SGK3: variants seen among roughly 807,000 people sequenced by gnomAD.
SGK3 encodes the protein serum/glucocorticoid regulated kinase family member 3, also known as serine/threonine-protein kinase Sgk3.
In SGK3, 47 loss-of-function variants were observed where a neutral mutation model predicts 68.5. The observed-to-expected ratio is 0.69, with a 90% confidence interval of 0.54 to 0.87. SGK3 has a LOEUF of 0.87. SGK3 is among the 40% of genes least tolerant of loss of function. The pLI is 0.00. For synonymous variants in SGK3, 181 were observed against 189.1 expected, an observed-to-expected ratio of 0.96 and a Z score of 0.35; for missense variants, 479 against 575.5, an observed-to-expected ratio of 0.83 and a Z score of 1.72.
intron 16 of SGK3, among the ~76,000 whole-genome samples, chr8:66,858,339 G>T (rs190792173): frequency 6.6e-6 from 1 of 151,904 alleles, no homozygotes; most frequent in South Asian, 2.1e-4. Context: ...GGTGGTGGGC[G>T]CCTGTAGTCC....
chr8:66,835,520 C>A (rs193253968), intron 8 of SGK3, among the ~76,000 whole-genome samples: 1 of 152,218 alleles, frequency 6.6e-6, no homozygotes, highest in Admixed American at 6.5e-5. Context: ...CATACACACA[C>A]AAACTTCTCA....
At chr8:66,823,469 C>T (rs1323508256) in intron 6 of SGK3, among the ~76,000 whole-genome samples, 1 of 150,110 alleles carries the variant, frequency 6.7e-6, no homozygotes, top group Non-Finnish European at 1.5e-5. Context: ...GTGATCTTGG[C>T]TCACTGCAAG....
intron 1 of SGK3, among the ~76,000 whole-genome samples, chr8:66,781,745 A>C (rs1259822211): frequency 6.6e-6 from 1 of 152,236 alleles, no homozygotes; most frequent in Non-Finnish European, 1.5e-5. Flanking sequence ...TTTAATTCAT[A>C]TATCACTTTT....
chr8:66,812,652 A>T (rs897158803), intron 4 of SGK3, among the ~76,000 whole-genome samples: 5 of 152,174 alleles, frequency 3.3e-5, no homozygotes, highest in Admixed American at 2.6e-4. Flanking sequence ...GTATCTAATG[A>T]TTATTAGCTA....
intron 4 of SGK3, among the ~76,000 whole-genome samples, chr8:66,806,741 AG>A (rs1808180826): frequency 1.3e-5 from 2 of 149,278 alleles, no homozygotes; most frequent in Admixed American, 1.3e-4. Flanking sequence ...TGAATCCAGG[AG>A]TCGGAGGTTG....
chr8:66,852,190 C>T (rs931617668), intron 16 of SGK3, among the ~76,000 whole-genome samples: 1 of 151,360 alleles, frequency 6.6e-6, no homozygotes, highest in Non-Finnish European at 1.5e-5. Flanking sequence ...AGAATATAAG[C>T]CAAGACTGAT....
chr8:66,851,230 C>A (rs796780371), intron 16 of SGK3, among the ~76,000 whole-genome samples: 11 of 152,274 alleles, frequency 7.2e-5, no homozygotes, highest in African/African-American at 2.4e-4. Flanking sequence ...GTAATCCCAG[C>A]ACTTTAGGAG....
intron 1 of SGK3, among the ~76,000 whole-genome samples, chr8:66,721,907 T>C (rs938331307): frequency 6.6e-6 from 1 of 152,204 alleles, no homozygotes; most frequent in African/African-American, 2.4e-5. Flanking sequence ...AAGAAGGGTA[T>C]CTTGGGCCAA....
At position 66,848,855 on chromosome 8, in the gene SGK3, C is replaced by A. The variant is rs1232303154; in HGVS notation, c.1230+1507C>A. On this transcript the variant is annotated intron_variant, in intron 15 of 16. Transcript: ENST00000521198. ...CTTTGTTCAGTCTCCCTTTCCCAAG[C>A]TCTTTCATTTCTCAATCTACCACAA... Among the ~76,000 whole-genome samples, 3 of 152,306 alleles carry A rather than the reference C, an allele frequency of 2.0e-5. 1 individual carries two copies. Among genetic ancestry groups the A allele is most frequent in the Middle Eastern group, 6.8e-3 (2 of 294 alleles).
intron 1 of SGK3, among the ~76,000 whole-genome samples, chr8:66,793,337 A>G (rs1807542832): frequency 6.6e-6 from 1 of 152,196 alleles, no homozygotes; most frequent in African/African-American, 2.4e-5. Flanking sequence ...GTTACCTCCA[A>G]CTAGATCTTT....
chr8:66,855,020 G>A (rs994933715), intron 16 of SGK3, among the ~76,000 whole-genome samples: 3 of 152,076 alleles, frequency 2.0e-5, no homozygotes, highest in African/African-American at 4.8e-5. Context: ...AAAATTAGCT[G>A]GGTGTGGTGG....
intron 1 of SGK3, among the ~76,000 whole-genome samples, chr8:66,752,875 G>C (rs1585669122): frequency 6.6e-6 from 1 of 151,984 alleles, no homozygotes; most frequent in South Asian, 2.1e-4. Flanking sequence ...TAGAGACAGG[G>C]TCTCACTCTG....
intron 7 of SGK3, among the ~76,000 whole-genome samples, chr8:66,830,075 G>A (rs966375332): frequency 3.3e-5 from 5 of 151,904 alleles, no homozygotes; most frequent in South Asian, 4.2e-4. Flanking sequence ...GGCTGGTCTT[G>A]GAACTCCTGA....
chr8:66,774,269 G>A (rs1213586779), intron 1 of SGK3, among the ~76,000 whole-genome samples: 1 of 152,074 alleles, frequency 6.6e-6, no homozygotes, highest in Non-Finnish European at 1.5e-5. Context: ...AAAGGTTACC[G>A]TATGTCAATC....
chr8:66,755,836 G>T (rs1321051083), intron 1 of SGK3, among the ~76,000 whole-genome samples: 1 of 152,114 alleles, frequency 6.6e-6, no homozygotes, highest in Non-Finnish European at 1.5e-5. Context: ...GTAAGTGTAG[G>T]CTCCTATGTG....
At chr8:66,713,701 G>T (rs946720669) in intron 1 of SGK3, among the ~76,000 whole-genome samples, 2 of 152,060 alleles carry the variant, frequency 1.3e-5, no homozygotes, top group African/African-American at 2.4e-5. Flanking sequence ...CTTACTATGC[G>T]CTGGGCTCTT....
At chr8:66,764,292 C>T (rs1195822470) in intron 1 of SGK3, among the ~76,000 whole-genome samples, 1 of 151,822 alleles carries the variant, frequency 6.6e-6, no homozygotes. Context: ...GGAAAGATAT[C>T]CTTTATTTTG....
intron 1 of SGK3, among the ~76,000 whole-genome samples, chr8:66,758,766 T>G (rs1806063395): frequency 6.6e-6 from 1 of 152,182 alleles, no homozygotes; most frequent in Non-Finnish European, 1.5e-5. Flanking sequence ...TCCTCCTGCC[T>G]CAGCCTCCCA....
At chr8:66,846,234 G>C (rs1464715392) in intron 14 of SGK3, among the ~76,000 whole-genome samples, 2 of 152,198 alleles carry the variant, frequency 1.3e-5, no homozygotes, top group African/African-American at 4.8e-5. Flanking sequence ...CTTGCAGATA[G>C]AACCTGAGTA....
Sources: allele counts gnomAD v4.1 joint callset (sites outside exome capture counted in the v4.1 genomes callset), GRCh38; gene constraint gnomAD v4.1.1; transcripts MANE v1.5; gene names NCBI Gene and HGNC (gene_info 2026-07-23, HGNC 2026-07-21).